Variants in BMPR1A observed in about 807,000 individuals in gnomAD.
BMPR1A encodes bone morphogenetic protein receptor type-1A.
BMPR1A carries 7 observed loss-of-function variants against 66.0 expected under a neutral mutation model. The observed-to-expected ratio is 0.11, with a 90% CI of 0.06 to 0.20. The LOEUF (loss-of-function observed/expected upper bound fraction) is 0.20, where lower values mean the gene tolerates loss of function less well. Among genes scored for constraint, BMPR1A ranks in the 10% least tolerant of loss-of-function variants. The pLI is 1.00. For missense variants in BMPR1A, 408 were observed against 669.1 expected (o/e 0.61, Z 4.31); for synonymous variants, 200 against 229.7 (o/e 0.87, Z 1.17).
intron 1 of BMPR1A, among the ~76,000 whole-genome samples, chr10:86,772,744 G>T (rs1307840132): frequency 3.9e-5 from 6 of 151,998 alleles, no homozygotes; most frequent in Non-Finnish European, 5.9e-5. Context: ...AATGTAATTG[G>T]TTATGGCATG....
chr10:86,910,372 C>T (rs1199297491), intron 7 of BMPR1A, among the ~76,000 whole-genome samples: 2 of 151,920 alleles, frequency 1.3e-5, no homozygotes, highest in Non-Finnish European at 2.9e-5. Context: ...TAAAGATTAC[C>T]AATAGGTGAA....
chr10:86,787,917 C>G (rs534899533), intron 1 of BMPR1A, among the ~76,000 whole-genome samples: 1 of 151,784 alleles, frequency 6.6e-6, no homozygotes, highest in African/African-American at 2.4e-5. Context: ...CCCAGCAGGC[C>G]CCACCTCTAA....
rs1375379334 is a variant in BMPR1A, at chr10:86,876,008, A to G, written c.-11A>G. On this transcript the variant is annotated 5_prime_UTR_variant, in exon 3 of 13. Coordinates refer to ENST00000372037, the MANE Select transcript of BMPR1A (RefSeq NM_004329.3). ...AAGGTGACAGTACACAGGAAACATT[A>G]CAATTGAACAATGCCTCAGCTATAC... 6.3e-7 allele frequency: 1 copy of G among 1,597,330 alleles called. No homozygotes were observed. The highest frequency in any genetic ancestry group is 8.6e-7 in the Non-Finnish European group (1 of 1,166,502).
chr10:86,824,058 GC>G (rs914539157), intron 1 of BMPR1A, among the ~76,000 whole-genome samples: 2 of 101,408 alleles, frequency 2.0e-5, no homozygotes, highest in African/African-American at 6.1e-5. Context: ...TGCTTTAATG[GC>G]CCCTGGAAAT....
At chr10:86,897,853 A>C (rs997730088) in intron 5 of BMPR1A, among the ~76,000 whole-genome samples, 1 of 152,114 alleles carries the variant, frequency 6.6e-6, no homozygotes, top group African/African-American at 2.4e-5. Flanking sequence ...CCATTCTGCC[A>C]CTTCAGCTTC....
intron 1 of BMPR1A, among the ~76,000 whole-genome samples, chr10:86,816,527 G>A (rs971981421): frequency 1.3e-5 from 2 of 152,186 alleles, no homozygotes; most frequent in East Asian, 1.9e-4. Context: ...CAGAAGAGGA[G>A]TACACTACAG....
intron 9 of BMPR1A, among the ~76,000 whole-genome samples, chr10:86,918,865 C>G (rs1843615381): frequency 6.6e-6 from 1 of 152,148 alleles, no homozygotes; most frequent in South Asian, 2.1e-4. Context: ...TCAAGTGATC[C>G]TCCTGCCTTG....
chr10:86,931,876 A>G (rs1231150556), downstream of BMPR1A: 2 of 152,142 alleles, frequency 1.3e-5, no homozygotes, highest in Non-Finnish European at 2.9e-5. Flanking sequence ...AACTTTCTAG[A>G]ACAAATCTCA....
intron 7 of BMPR1A, among the ~76,000 whole-genome samples, chr10:86,904,299 A>G (rs1843354082): frequency 6.6e-6 from 1 of 152,254 alleles, no homozygotes; most frequent in Non-Finnish European, 1.5e-5. Flanking sequence ...AAGGCACATG[A>G]TAATTGTATT....
chr10:86,812,516 CA>C (rs1287436151), intron 1 of BMPR1A, among the ~76,000 whole-genome samples: 1 of 152,178 alleles, frequency 6.6e-6, no homozygotes, highest in Non-Finnish European at 1.5e-5. Flanking sequence ...GGTTACATTT[CA>C]CCAGCTAAGT....
At chr10:86,804,792 G>GTT (rs5786747) in intron 1 of BMPR1A, among the ~76,000 whole-genome samples, 1,141 of 57,106 alleles carry the variant, frequency 0.02, 52 homozygotes, top group African/African-American at 0.074. Flanking sequence ...GTTTGTAGGT[G>GTT]TTTTTTTTTT....
At chr10:86,866,215 A>T (rs1192395821) in intron 2 of BMPR1A, among the ~76,000 whole-genome samples, 2 of 144,884 alleles carry the variant, frequency 1.4e-5, no homozygotes, top group African/African-American at 5.2e-5. Flanking sequence ...TAGATAGAAG[A>T]GGGAGCTTTT....
intron 1 of BMPR1A, among the ~76,000 whole-genome samples, chr10:86,809,280 C>A (rs1019823342): frequency 4.6e-5 from 7 of 150,910 alleles, no homozygotes; most frequent in African/African-American, 7.3e-5. Flanking sequence ...TTCATCATCC[C>A]AAACAGGCCC....
intron 1 of BMPR1A, among the ~76,000 whole-genome samples, chr10:86,793,639 C>T (rs1048045750): frequency 3.9e-5 from 6 of 152,048 alleles, no homozygotes; most frequent in Middle Eastern, 3.2e-3. Context: ...TGAGCCACTG[C>T]GCCAGGCCTG....
At chr10:86,864,090 A>G (rs1842748178) in intron 2 of BMPR1A, among the ~76,000 whole-genome samples, 1 of 152,074 alleles carries the variant, frequency 6.6e-6, no homozygotes, top group South Asian at 2.1e-4. Context: ...GAAGTATGAT[A>G]CCCTTTTCAG....
At chr10:86,831,836 T>C (rs1028536767) in intron 1 of BMPR1A, among the ~76,000 whole-genome samples, 2 of 152,166 alleles carry the variant, frequency 1.3e-5, no homozygotes, top group African/African-American at 4.8e-5. Flanking sequence ...TTTACCTACT[T>C]TTGGATTTTT....
rs969352339 is a variant in BMPR1A at position 86,867,042 on chromosome 10, C to T, written c.-152-8825C>T. 2.0e-5 allele frequency among the ~76,000 whole-genome samples: 3 copies of T among 152,168 alleles called. No homozygotes were observed. In the East Asian group the frequency reaches 5.8e-4, roughly 29 times the overall value. On this transcript the variant is annotated intron_variant, in intron 2 of 12. Transcript: ENST00000372037. ...TAAATACCACCACATATCTGAGTTTCTCTGATTTAATCTGCACAAAATACC... is the reference window on the plus strand; with the variant it reads ...TAAATACCACCACATATCTGAGTTTTTCTGATTTAATCTGCACAAAATACC...
At chr10:86,846,895 T>C (rs1205019806) in intron 2 of BMPR1A, among the ~76,000 whole-genome samples, 1 of 152,182 alleles carries the variant, frequency 6.6e-6, no homozygotes, top group Non-Finnish European at 1.5e-5. Context: ...GTTTTAAAGA[T>C]ACTATTATTT....
intron 1 of BMPR1A, among the ~76,000 whole-genome samples, chr10:86,793,183 C>T (rs560990859): frequency 2.1e-5 from 3 of 140,244 alleles, no homozygotes; most frequent in South Asian, 2.3e-4. Context: ...TTCGGAATTT[C>T]AGGGCTTTGT....
Sources: allele counts gnomAD v4.1 joint callset (sites outside exome capture counted in the v4.1 genomes callset), GRCh38; gene constraint gnomAD v4.1.1; transcripts MANE v1.5; gene names NCBI Gene and HGNC (gene_info 2026-07-23, HGNC 2026-07-21).